Variants in ZNRF3 observed in about 807,000 individuals in gnomAD.
ZNRF3 encodes E3 ubiquitin-protein ligase ZNRF3.
A neutral mutation model predicts 72.5 loss-of-function variants in ZNRF3; 23 were observed. The ratio of observed to expected loss-of-function variants is 0.32; its 90% CI spans 0.23 to 0.45. The LOEUF (loss-of-function observed/expected upper bound fraction) is 0.45, where lower values mean the gene tolerates loss of function less well. Among genes scored for constraint, ZNRF3 ranks in the 20% least tolerant of loss-of-function variants. The pLI, the probability that ZNRF3 is intolerant of heterozygous loss-of-function variation, is 1.00. For missense variants in ZNRF3, 1,169 were observed against 1,272.1 expected, an observed-to-expected ratio of 0.92 and a Z score of 1.23; for synonymous variants, 610 against 545.3, an observed-to-expected ratio of 1.12 and a Z score of -1.65.
At chr22:28,904,890 C>T (rs2034177010) in intron 1 of ZNRF3, among the ~76,000 whole-genome samples, 1 of 151,598 alleles carries the variant, frequency 6.6e-6, no homozygotes, top group Admixed American at 6.6e-5. Context: ...CTTTGGCTGA[C>T]CTGAGAGCTT....
rs371541981 is a variant in ZNRF3 at position 28,987,064 on chromosome 22, T to C, written c.301-12T>C. The stretch of plus-strand genomic sequence containing the variant: ...TTGCCTGCTGAAGTTTTCTTTCCAT[T>C]TTATTTCCTAGATGCACCCACTGGG... On this transcript the variant is annotated splice_polypyrimidine_tract_variant and intron_variant, in intron 1 of 8. Coordinates refer to ENST00000544604, the MANE Select transcript of ZNRF3 (RefSeq NM_001206998.2). The C allele has an allele frequency of 2.5e-6, 4 of 1,602,252 alleles. No homozygotes were observed. The highest frequency in any genetic ancestry group is 2.6e-6 in the Non-Finnish European group (3 of 1,175,278).
intron 1 of ZNRF3, among the ~76,000 whole-genome samples, chr22:28,985,085 T>C (rs565611334): frequency 1.1e-3 from 172 of 152,324 alleles, no homozygotes; most frequent in African/African-American, 3.9e-3. Context: ...CATTGAATTG[T>C]CAAGGAACTC....
At position 29,049,520 on chromosome 22, in the gene ZNRF3, C is replaced by T. The variant is rs1320068916; in HGVS notation, c.1339C>T (p.Arg447Cys). ...GGCCTACTCCCCAGCCCACCCCTTCCGCAGGCCCAAGTTGAGTGGCCGCAG... is the reference window on the plus strand; with the variant it reads ...GGCCTACTCCCCAGCCCACCCCTTCTGCAGGCCCAAGTTGAGTGGCCGCAG... The part of the protein sequence containing the change: ...HRAYSPAHPF[R>C]RPKLSGRSFS... The change falls in exon 8 of 9, where the codon CGC becomes TGC. Residue 447 changes from arginine (R) to cysteine (C), a missense_variant. By Grantham distance (180) the Arg-to-Cys change is radical. Around this residue, in one of 2 missense-constraint regions of ZNRF3, gnomAD observed 783 missense variants for 731.4 expected, o/e 1.07. Coordinates refer to ENST00000544604, the MANE Select transcript of ZNRF3 (RefSeq NM_001206998.2). The surrounding 1 kb of genome is among the most constrained non-coding windows in gnomAD (Gnocchi z 5.2). 6.2e-7 allele frequency: 1 copy of T among 1,604,970 alleles called. No individual in the cohort carries two copies. Among genetic ancestry groups the T allele is most frequent in the African/African-American group, 1.3e-5 (1 of 75,022 alleles).
At chr22:28,926,221 C>G (rs1301196823) in intron 1 of ZNRF3, among the ~76,000 whole-genome samples, 1 of 152,182 alleles carries the variant, frequency 6.6e-6, no homozygotes, top group Non-Finnish European at 1.5e-5. Flanking sequence ...TCAGAGACTG[C>G]AGTTTTTTGT....
chr22:29,019,045 A>C (rs1253132513), intron 2 of ZNRF3, among the ~76,000 whole-genome samples: 1 of 151,104 alleles, frequency 6.6e-6, no homozygotes, highest in Non-Finnish European at 1.5e-5. Context: ...TGCCCTCTCA[A>C]CATGTGGTCT....
intron 1 of ZNRF3, among the ~76,000 whole-genome samples, chr22:28,951,848 C>G (rs1433208004): frequency 6.6e-6 from 1 of 152,184 alleles, no homozygotes; most frequent in Admixed American, 6.5e-5. Flanking sequence ...ACTGTGTTTT[C>G]TGGAAAGATG....
At chr22:29,047,503 A>G (rs1475836424) in intron 6 of ZNRF3, among the ~76,000 whole-genome samples, 1 of 152,218 alleles carries the variant, frequency 6.6e-6, no homozygotes, top group Non-Finnish European at 1.5e-5. Context: ...ATTTTTGCAG[A>G]ATAGAATAGT....
At chr22:29,028,642 C>T (rs556153132) in intron 2 of ZNRF3, among the ~76,000 whole-genome samples, 8 of 152,282 alleles carry the variant, frequency 5.3e-5, no homozygotes, top group Admixed American at 3.9e-4. Flanking sequence ...GTCAGCTCTC[C>T]ACTTTGTGGC....
At chr22:29,026,629 A>G (rs1172039413) in intron 2 of ZNRF3, 1 of 152,192 alleles carries the variant, frequency 6.6e-6, no homozygotes, top group African/African-American at 2.4e-5. Context: ...CTCCTGTGGC[A>G]TGGAGGCCAA....
chr22:28,935,764 T>G (rs2034807858), intron 1 of ZNRF3, among the ~76,000 whole-genome samples: 1 of 152,210 alleles, frequency 6.6e-6, no homozygotes, highest in East Asian at 1.9e-4. Flanking sequence ...TCCATTTTCT[T>G]AAATCTGATG....
At chr22:28,889,015 T>C (rs545534652) in intron 1 of ZNRF3, among the ~76,000 whole-genome samples, 9 of 152,212 alleles carry the variant, frequency 5.9e-5, no homozygotes, top group Non-Finnish European at 1.3e-4. Context: ...CTCAGGAGGC[T>C]GAGGCAGGAG....
intron 1 of ZNRF3, among the ~76,000 whole-genome samples, chr22:28,976,840 G>A (rs2035683153): frequency 1.3e-5 from 2 of 151,918 alleles, no homozygotes; most frequent in South Asian, 4.2e-4. Context: ...TAGTCTACTG[G>A]ATACTTAAAA....
At chr22:29,032,046 G>A (rs1181836182) in intron 2 of ZNRF3, among the ~76,000 whole-genome samples, 4 of 152,188 alleles carry the variant, frequency 2.6e-5, no homozygotes, top group African/African-American at 7.2e-5. Flanking sequence ...CCAGAGCTTC[G>A]CACCAGGTGG....
At chr22:28,990,459 C>T (rs990587626) in intron 2 of ZNRF3, among the ~76,000 whole-genome samples, 1 of 152,118 alleles carries the variant, frequency 6.6e-6, no homozygotes, top group African/African-American at 2.4e-5. Context: ...CCGTGCCGGG[C>T]AGATCACTTG....
At position 28,937,474 on chromosome 22, in the gene ZNRF3, G is replaced by T. The variant is rs371600593; in HGVS notation, c.301-49602G>T. 7.9e-5 allele frequency among the ~76,000 whole-genome samples: 12 copies of T among 151,996 alleles called. No homozygotes were observed. In the South Asian group the frequency reaches 8.3e-4, roughly 11 times the overall value. On this transcript the variant is annotated intron_variant, in intron 1 of 8. Coordinates refer to ENST00000544604, the MANE Select transcript of ZNRF3 (RefSeq NM_001206998.2). ...ATCCATCAACATACTGACCCCTTTT[G>T]CAAGTTTCATTGTTCTATTATTGTG...
intron 1 of ZNRF3, among the ~76,000 whole-genome samples, chr22:28,896,984 G>C (rs563635873): frequency 1.3e-5 from 2 of 152,202 alleles, no homozygotes; most frequent in South Asian, 4.2e-4. Context: ...GCCTAGACTG[G>C]ACTTGAACTC....
At chr22:29,035,453 T>G (rs1381607349) in intron 2 of ZNRF3, among the ~76,000 whole-genome samples, 3 of 152,266 alleles carry the variant, frequency 2.0e-5, no homozygotes, top group Admixed American at 1.3e-4. Context: ...TATGTGTAGC[T>G]GGTAAGAAGA....
intron 1 of ZNRF3, among the ~76,000 whole-genome samples, chr22:28,922,811 A>T (rs1414191414): frequency 6.6e-6 from 1 of 152,202 alleles, no homozygotes; most frequent in Admixed American, 6.5e-5. Context: ...GGGTGGAATC[A>T]TGCTTGTGCC....
chr22:29,016,225 T>C (rs1274228125), intron 2 of ZNRF3, among the ~76,000 whole-genome samples: 2 of 152,170 alleles, frequency 1.3e-5, no homozygotes, highest in Admixed American at 6.5e-5. Flanking sequence ...ATCAACGAAG[T>C]GTCCACTCAG....
Sources: allele counts gnomAD v4.1 joint callset (sites outside exome capture counted in the v4.1 genomes callset), GRCh38; gene constraint gnomAD v4.1.1; regional missense constraint gnomAD v4.1.1; non-coding constraint Gnocchi (gnomAD v3.1); transcripts MANE v1.5; gene names NCBI Gene and HGNC (gene_info 2026-07-23, HGNC 2026-07-21).